The following SLC7A2 variants were observed in gnomAD, a reference collection of about 807,000 sequenced individuals.
The protein encoded by SLC7A2 is cationic amino acid transporter 2.
SLC7A2 carries 48 observed loss-of-function variants against 58.9 expected under a neutral mutation model. The ratio of observed to expected loss-of-function variants is 0.82; its 90% CI spans 0.65 to 1.04. The LOEUF (loss-of-function observed/expected upper bound fraction) is 1.04. SLC7A2 is among the 50% of genes least tolerant of loss of function. The pLI, the probability that SLC7A2 is intolerant of heterozygous loss-of-function variation, is 0.00. For missense variants in SLC7A2, 1,029 were observed against 818.8 expected, an observed-to-expected ratio of 1.26 and a Z score of -3.13; for synonymous variants, 363 against 314.5, an observed-to-expected ratio of 1.15 and a Z score of -1.63.
intron 2 of SLC7A2, chr8:17,538,904 G>A: frequency 1.9e-6 from 3 of 1,613,722 alleles, no homozygotes; most frequent in South Asian, 1.1e-5. Flanking sequence ...CCACCGGTTT[G>A]CGACAGCAAG....
chr8:17,557,351 A>G (rs972988812), intron 8 of SLC7A2, among the ~76,000 whole-genome samples: 5 of 152,146 alleles, frequency 3.3e-5, no homozygotes, highest in African/African-American at 1.2e-4. Flanking sequence ...TAAGCTATTT[A>G]ACTGTTTAAA....
rs80330909 is a variant in SLC7A2 at position 17,558,287 on chromosome 8, C to T, written c.1196-8C>T. On this transcript the variant is annotated splice_region_variant and splice_polypyrimidine_tract_variant and intron_variant, in intron 8 of 12. Transcript: ENST00000494857. ...GTTTACTTCACCGTTCTTTTCTTCTCCCCCTAGCTTTGATGGCCTTTCTGT... is the reference window on the plus strand; with the variant it reads ...GTTTACTTCACCGTTCTTTTCTTCTTCCCCTAGCTTTGATGGCCTTTCTGT... 3 of 1,593,438 alleles carry T rather than the reference C, an allele frequency of 1.9e-6. No homozygotes were observed. Among genetic ancestry groups the T allele is most frequent in the Admixed American group, 1.7e-5 (1 of 59,840 alleles).
chr8:17,528,354 CTG>C (rs1284345948), intron 2 of SLC7A2, among the ~76,000 whole-genome samples: 1 of 152,088 alleles, frequency 6.6e-6, no homozygotes, highest in Non-Finnish European at 1.5e-5. Flanking sequence ...AAGCTAATGA[CTG>C]TTTTTCGGTG....
At chr8:17,537,938 A>AT (rs976918028) in intron 2 of SLC7A2, among the ~76,000 whole-genome samples, 3 of 151,474 alleles carry the variant, frequency 2.0e-5, no homozygotes, top group Admixed American at 6.6e-5. Context: ...GCTTCATTTA[A>AT]TTTTTTTTTC....
At chr8:17,542,246 GT>G (rs1801943445) in intron 2 of SLC7A2, among the ~76,000 whole-genome samples, 1 of 152,192 alleles carries the variant, frequency 6.6e-6, no homozygotes, top group Non-Finnish European at 1.5e-5. Context: ...TAATGATTAA[GT>G]TTTTACGTGC....
chr8:17,561,748 C>T (rs181945390), intron 10 of SLC7A2, among the ~76,000 whole-genome samples, 196 bp from the exon 11 acceptor site: 44 of 152,240 alleles, frequency 2.9e-4, no homozygotes, highest in African/African-American at 9.6e-4. Context: ...AGTAAATAAG[C>T]AATGGTTCTT....
At chr8:17,506,946 ATT>A (rs34439439) in intron 2 of SLC7A2, among the ~76,000 whole-genome samples, 8 of 140,012 alleles carry the variant, frequency 5.7e-5, no homozygotes, top group South Asian at 2.3e-4. Flanking sequence ...TATTTGTGGA[ATT>A]TTTTTTTTTT....
At chr8:17,514,455 T>G (rs1233525216) in intron 2 of SLC7A2, among the ~76,000 whole-genome samples, 1 of 152,202 alleles carries the variant, frequency 6.6e-6, no homozygotes, top group East Asian at 1.9e-4. Flanking sequence ...AATGCAATAT[T>G]TTCCCTTCTC....
upstream of SLC7A2, among the ~76,000 whole-genome samples, chr8:17,496,250 A>T (rs1799955062): frequency 6.6e-6 from 1 of 152,146 alleles, no homozygotes; most frequent in Non-Finnish European, 1.5e-5. Context: ...TGAGCCCAGG[A>T]GGTCGAGGCT....
intron 2 of SLC7A2, among the ~76,000 whole-genome samples, chr8:17,520,017 A>G (rs1800952006): frequency 6.6e-6 from 1 of 152,174 alleles, no homozygotes; most frequent in South Asian, 2.1e-4. Flanking sequence ...GTGAGAAAGA[A>G]TTAGTGATGA....
chr8:17,517,451 C>T (rs2188020), intron 2 of SLC7A2, among the ~76,000 whole-genome samples: 101,521 of 151,996 alleles, frequency 0.67, 34,246 homozygotes, highest in South Asian at 0.75. Context: ...CACAAGTGTA[C>T]TAGAAAATGT....
At chr8:17,562,822 A>T (rs999987295) in intron 11 of SLC7A2, among the ~76,000 whole-genome samples, 2 of 152,194 alleles carry the variant, frequency 1.3e-5, no homozygotes, top group Admixed American at 6.5e-5. Context: ...CTGCCTTCTC[A>T]TGAGAACTTT....
At chr8:17,503,153 C>G (rs1800232094) in intron 2 of SLC7A2, among the ~76,000 whole-genome samples, 2 of 152,162 alleles carry the variant, frequency 1.3e-5, no homozygotes, top group Non-Finnish European at 2.9e-5. Flanking sequence ...CGGGTTCACG[C>G]CATTCTCCTG....
chr8:17,539,746 A>T (rs929029495), intron 2 of SLC7A2, among the ~76,000 whole-genome samples: 11 of 152,130 alleles, frequency 7.2e-5, no homozygotes, highest in African/African-American at 2.7e-4. Flanking sequence ...CAATGGTTAC[A>T]ATGGTGCAGA....
chr8:17,543,859 C>G (rs1026711667), intron 3 of SLC7A2, 144 bp downstream of exon 3: 1 of 326,286 alleles, frequency 3.1e-6, no homozygotes, highest in African/African-American at 5.9e-5. Context: ...ATGTCTCCTT[C>G]TAATTACAAA....
intron 6 of SLC7A2, among the ~76,000 whole-genome samples, chr8:17,551,528 C>A (rs1802448931): frequency 6.6e-6 from 1 of 151,960 alleles, no homozygotes; most frequent in Non-Finnish European, 1.5e-5. Flanking sequence ...ACCTGGGAGG[C>A]GTGAGGTTGC....
At chr8:17,556,819 A>C (rs1023292863) in intron 8 of SLC7A2, among the ~76,000 whole-genome samples, 9 of 152,106 alleles carry the variant, frequency 5.9e-5, no homozygotes, top group African/African-American at 1.9e-4. Flanking sequence ...ATGTTGGCCA[A>C]GCTGGTCTCA....
chr8:17,528,200 G>A (rs892499123), intron 2 of SLC7A2, among the ~76,000 whole-genome samples: 10 of 152,112 alleles, frequency 6.6e-5, no homozygotes, highest in South Asian at 6.2e-4. Flanking sequence ...GCAGAGCTCC[G>A]TACACTGTCG....
chr8:17,513,707 G>T (rs138350921), intron 2 of SLC7A2, among the ~76,000 whole-genome samples: 1 of 152,178 alleles, frequency 6.6e-6, no homozygotes, highest in Non-Finnish European at 1.5e-5. Context: ...AGAATCAAAT[G>T]ATAGTGAAGC....
Sources: gnomAD v4.1 joint callset for allele counts (sites outside exome capture counted in the v4.1 genomes callset) on GRCh38, gnomAD v4.1.1 for gene constraint, MANE v1.5 for transcripts, NCBI Gene and HGNC (gene_info 2026-07-23, HGNC 2026-07-21) for gene names.